PCDH17: variants seen among roughly 807,000 people sequenced by gnomAD.
PCDH17 encodes protocadherin-17.
PCDH17 carries 21 observed loss-of-function variants against 67.7 expected under a neutral mutation model. That is an observed-to-expected ratio of 0.31 (90% CI 0.22 to 0.45). The LOEUF is 0.45. Ranked by LOEUF, PCDH17 falls within the 20% of genes least tolerant of loss-of-function variation. The pLI is 1.00. For synonymous variants in PCDH17, 701 were observed against 656.7 expected, an observed-to-expected ratio of 1.07 and a Z score of -1.03; for missense variants, 1,471 against 1,564.8, an observed-to-expected ratio of 0.94 and a Z score of 1.01.
intron 1 of PCDH17, among the ~76,000 whole-genome samples, chr13:57,636,069 T>C (rs1245854263): frequency 6.6e-6 from 1 of 152,180 alleles, no homozygotes; most frequent in African/African-American, 2.4e-5. Context: ...TCAAAGTTAT[T>C]GATAATACCA....
At chr13:57,654,220 G>T (rs951866623) in intron 1 of PCDH17, among the ~76,000 whole-genome samples, 3 of 152,014 alleles carry the variant, frequency 2.0e-5, no homozygotes, top group Non-Finnish European at 4.4e-5. Context: ...TAAACTTTGT[G>T]GTTCATGAAA....
chr13:57,685,596 T>C (rs1955497413), intron 3 of PCDH17, among the ~76,000 whole-genome samples: 1 of 152,048 alleles, frequency 6.6e-6, no homozygotes, highest in Non-Finnish European at 1.5e-5. Context: ...ATCTACCATA[T>C]GAATATTAAA....
intron 3 of PCDH17, among the ~76,000 whole-genome samples, chr13:57,705,950 G>A (rs755522968): frequency 6.6e-6 from 1 of 151,788 alleles, no homozygotes; most frequent in Non-Finnish European, 1.5e-5. Context: ...AGGAGGCAGA[G>A]GTTGCGGTGA....
chr13:57,688,066 A>T (rs911024138), intron 3 of PCDH17, among the ~76,000 whole-genome samples: 1 of 152,010 alleles, frequency 6.6e-6, no homozygotes, highest in African/African-American at 2.4e-5. Context: ...GCTTAATTCA[A>T]TCATTCTCCT....
Position 57,725,149 on chromosome 13 carries a change from G to A in PCDH17, c.3335G>A (p.Ser1112Asn). 1 of 1,614,190 alleles carries A rather than the reference G, an allele frequency of 6.2e-7. No individual in the cohort carries two copies. The highest frequency in any genetic ancestry group is 8.5e-7 in the Non-Finnish European group (1 of 1,180,016). ...DVHSRASRDS[S>N]EMGAVLEQLD... ...CATTCCAGAGCCAGCCGGGATTCCA[G>A]TGAGATGGGTGCTGTTCTTGAGCAG... Residue 1112 changes from serine to asparagine, a missense_variant, in exon 4 of 4, where the codon AGT becomes AAT. Ser to Asn is a conservative substitution (Grantham distance 46, BLOSUM62 1). Coordinates refer to ENST00000377918, the MANE Select transcript of PCDH17 (RefSeq NM_001040429.3).
intron 3 of PCDH17, among the ~76,000 whole-genome samples, chr13:57,680,639 A>C (rs9563521): frequency 0.13 from 19,487 of 151,474 alleles, 1,545 homozygotes; most frequent in East Asian, 0.39. Context: ...AGGGTTGAAA[A>C]TGCAAACAAC....
chr13:57,633,738 G>A lies in PCDH17; in HGVS notation c.1192G>A (p.Gly398Ser). The change falls in exon 1 of 4, where the codon GGC becomes AGC. Residue 398 changes from glycine (G) to serine (S), a missense_variant. By Grantham distance (56) the Gly-to-Ser change is moderately conservative. Around this residue, in one of 3 missense-constraint regions of PCDH17, gnomAD observed 1,163 missense variants for 1,230.0 expected, o/e 0.95. Transcript: ENST00000377918. The surrounding 1 kb of genome is among the most constrained non-coding windows in gnomAD (Gnocchi z 6.2). ...TCGGGTCCTAGGCGGAGGAGGGACGGGCGGCGGCGGGGGCCTGGGCGGGCC... is the reference window on the plus strand; with the variant it reads ...TCGGGTCCTAGGCGGAGGAGGGACGAGCGGCGGCGGGGGCCTGGGCGGGCC... ...QCRVLGGGGT[G>S]GGGGLGGPGG... is the part of the protein sequence containing the mutation. 7 of 1,592,218 alleles carry A rather than the reference G, an allele frequency of 4.4e-6. No homozygotes were observed. Among genetic ancestry groups the A allele is most frequent in the African/African-American group, 1.3e-5 (1 of 74,808 alleles).
chr13:57,648,833 T>C (rs951403512), intron 1 of PCDH17, among the ~76,000 whole-genome samples: 1 of 152,056 alleles, frequency 6.6e-6, no homozygotes, highest in African/African-American at 2.4e-5. Flanking sequence ...GGTGGTTATC[T>C]TGAGTTTTAA....
At chr13:57,712,101 T>A (rs574076635) in intron 3 of PCDH17, among the ~76,000 whole-genome samples, 2 of 151,858 alleles carry the variant, frequency 1.3e-5, no homozygotes, top group South Asian at 4.1e-4. Flanking sequence ...TGATCATAAA[T>A]ACTTTTATCA....
In PCDH17 at chr13:57,632,451, C is replaced by T; in HGVS notation, c.-96C>T. The T allele has an allele frequency of 7.8e-7, 1 of 1,287,008 alleles. No individual in the cohort carries two copies. Among genetic ancestry groups the T allele is most frequent in the Non-Finnish European group, 1.1e-6 (1 of 945,708 alleles). 79.7% of individuals were successfully genotyped at this position (1,287,008 alleles called of 1,614,324 possible). On this transcript the variant is annotated 5_prime_UTR_variant, in exon 1 of 4. Transcript: ENST00000377918. ...GGACCCATAGACTTGTGGCTCGCGTCGCGCGCGCACGCTGCGCCAGGGCCC... is the reference window on the plus strand; with the variant it reads ...GGACCCATAGACTTGTGGCTCGCGTTGCGCGCGCACGCTGCGCCAGGGCCC...
chr13:57,665,579 C>G (rs773957584), intron 1 of PCDH17, among the ~76,000 whole-genome samples: 1 of 152,030 alleles, frequency 6.6e-6, no homozygotes, highest in African/African-American at 2.4e-5. Context: ...ATGCAGGAAA[C>G]AGGAGAAGCT....
chr13:57,697,205 T>A (rs1287827263), intron 3 of PCDH17, among the ~76,000 whole-genome samples: 1 of 151,582 alleles, frequency 6.6e-6, no homozygotes, highest in African/African-American at 2.4e-5. Flanking sequence ...GGTTTTTTAT[T>A]CTTTCTGATC....
intron 1 of PCDH17, among the ~76,000 whole-genome samples, chr13:57,648,483 A>G (rs762359591): frequency 1.3e-5 from 2 of 152,008 alleles, no homozygotes; most frequent in Non-Finnish European, 2.9e-5. Flanking sequence ...GAAGTTAATT[A>G]GATAAGAGCC....
intron 3 of PCDH17, among the ~76,000 whole-genome samples, chr13:57,713,723 G>A (rs1212070898): frequency 6.6e-6 from 1 of 151,532 alleles, no homozygotes; most frequent in Admixed American, 6.6e-5. Context: ...TTTTCTGTGT[G>A]TGTGCATGCA....
chr13:57,674,288 G>A (rs148992882), intron 3 of PCDH17, among the ~76,000 whole-genome samples: 1,810 of 151,800 alleles, frequency 0.012, 33 homozygotes, highest in African/African-American at 0.039. Context: ...CCTTTTTTTA[G>A]TTTTATTATA....
chr13:57,701,078 G>A (rs537943277), intron 3 of PCDH17, among the ~76,000 whole-genome samples: 1 of 152,140 alleles, frequency 6.6e-6, no homozygotes, highest in East Asian at 1.9e-4. Context: ...AATAAGCAAT[G>A]TGTAAATAAT....
chr13:57,634,825 A>G lies in PCDH17; in HGVS notation c.2279A>G (p.Lys760Arg), dbSNP rs1266052159. The G allele has an allele frequency of 1.2e-6, 2 of 1,614,004 alleles. No individual in the cohort carries two copies. Among genetic ancestry groups the G allele is most frequent in the Non-Finnish European group, 1.7e-6 (2 of 1,180,038 alleles). The change falls in exon 1 of 4, where the codon AAG (lysine) becomes AGG (arginine). Residue 760 changes from lysine (K) to arginine (R), a missense_variant. By Grantham distance (26) the Lys-to-Arg change is conservative. Around this residue, in one of 3 missense-constraint regions of PCDH17, gnomAD observed 1,163 missense variants for 1,230.0 expected, o/e 0.95. Coordinates refer to ENST00000377918, the MANE Select transcript of PCDH17 (RefSeq NM_001040429.3). This position sits in a 1 kb window ranked among gnomAD's most constrained non-coding sequence, Gnocchi z 7.8. ...CTGGGTGGGGGCAAGGGCAAGAAGA[A>G]GAAGATCAACAAAAATGATATCATG... Reference protein sequence around the residue: ...PQLGGGKGKKKKINKNDIMLV... With the variant: ...PQLGGGKGKKRKINKNDIMLV...
intron 3 of PCDH17, among the ~76,000 whole-genome samples, chr13:57,713,047 A>T (rs926276913): frequency 6.6e-6 from 1 of 151,596 alleles, no homozygotes; most frequent in Non-Finnish European, 1.5e-5. Flanking sequence ...CTTTACTGTG[A>T]TTCAGAAATA....
intron 3 of PCDH17, among the ~76,000 whole-genome samples, chr13:57,686,459 T>C (rs904313523): frequency 6.6e-6 from 1 of 151,920 alleles, no homozygotes; most frequent in Non-Finnish European, 1.5e-5. Flanking sequence ...GCAATGACTC[T>C]ACAAACAAAT....
Sources: allele counts gnomAD v4.1 joint callset (sites outside exome capture counted in the v4.1 genomes callset), GRCh38; gene constraint gnomAD v4.1.1; regional missense constraint gnomAD v4.1.1; non-coding constraint Gnocchi (gnomAD v3.1); transcripts MANE v1.5; gene names NCBI Gene and HGNC (gene_info 2026-07-23, HGNC 2026-07-21).